KCNH6: variants seen among roughly 807,000 people sequenced by gnomAD.
KCNH6 encodes potassium voltage-gated channel subfamily H member 6.
Under a neutral mutation model 83.4 loss-of-function variants are expected in KCNH6, and 81 were observed. The ratio of observed to expected loss-of-function variants is 0.97; its 90% CI spans 0.81 to 1.17. The LOEUF is 1.17. KCNH6 is among the 50% of genes most tolerant of loss of function. The probability of loss-of-function intolerance (pLI) is 0.00; values close to 1 mark genes in which losing one functional copy is unlikely to be tolerated. For missense variants in KCNH6, 1,203 were observed against 1,290.5 expected (o/e 0.93, Z 1.04); for synonymous variants, 503 against 545.6 (o/e 0.92, Z 1.09).
In KCNH6 at chr17:63,545,612, C is replaced by T. The variant is rs143517235; in HGVS notation, c.2587C>T (p.Pro863Ser). 4.1e-5 allele frequency: 66 copies of T among 1,612,300 alleles called. No individual in the cohort carries two copies. Among genetic ancestry groups the T allele is most frequent in the Admixed American group, 5.0e-5 (3 of 59,942 alleles). Reference protein sequence around the residue: ...PQGFLPPAQTPSYGDLDDCSP... With the variant: ...PQGFLPPAQTSSYGDLDDCSP... ...CCCTCTTTCTTGCTCCTCCCAGACC[C>T]CAAGCTATGGAGACTTGGATGACTG... Residue 863 changes from proline to serine, a missense_variant, in exon 13 of 13, where the codon CCA (proline) becomes TCA (serine). Transcript: ENST00000314672.
chr17:63,530,628 C>T (rs2032042876), intron 4 of KCNH6, 86 bp downstream of exon 4: 2 of 1,223,436 alleles, frequency 1.6e-6, no homozygotes, highest in Non-Finnish European at 1.2e-6. Context: ...CCTTCTGGGG[C>T]CTTGGCCGAT....
intron 4 of KCNH6, among the ~76,000 whole-genome samples, chr17:63,532,317 C>T (rs1352945292): frequency 6.6e-6 from 1 of 152,190 alleles, no homozygotes; most frequent in Non-Finnish European, 1.5e-5. Context: ...CAGGGTGTGA[C>T]GGCAGCTGCT....
rs2032263251 is a variant in KCNH6, at chr17:63,533,579, T to C, written c.676-307T>C. On this transcript the variant is annotated intron_variant, in intron 4 of 12. Coordinates refer to ENST00000314672, the MANE Select transcript of KCNH6 (RefSeq NM_001278919.2). The surrounding 1 kb of genome is among the most constrained non-coding windows in gnomAD (Gnocchi z 4.1). ...TGGGCCTGGCCCTCCCCTGCCTGGCTCCACCCACTCCAGGATGTTTCCAAG... is the reference window on the plus strand; with the variant it reads ...TGGGCCTGGCCCTCCCCTGCCTGGCCCCACCCACTCCAGGATGTTTCCAAG... 6.6e-6 allele frequency among the ~76,000 whole-genome samples: 1 copy of C among 152,052 alleles called. No homozygotes were observed. Among genetic ancestry groups the C allele is most frequent in the Non-Finnish European group, 1.5e-5 (1 of 67,986 alleles).
At position 63,545,911 on chromosome 17, in the gene KCNH6, A is replaced by T. The variant is rs2033126231; in HGVS notation, c.*9A>T. On this transcript the variant is annotated 3_prime_UTR_variant, in exon 13 of 13. Coordinates refer to ENST00000314672, the MANE Select transcript of KCNH6 (RefSeq NM_001278919.2). ...GGAGTTGGGGCCACTGAACTCCAAG[A>T]TAAAGACACCATGAGGGGACTGAAG... 6.2e-7 allele frequency: 1 copy of T among 1,612,780 alleles called. No individual in the cohort carries two copies. Among genetic ancestry groups the T allele is most frequent in the South Asian group, 1.1e-5 (1 of 91,056 alleles).
intron 2 of KCNH6, among the ~76,000 whole-genome samples, chr17:63,525,547 C>A (rs2031652468): frequency 6.6e-6 from 1 of 152,088 alleles, no homozygotes; most frequent in Non-Finnish European, 1.5e-5. Context: ...GTTTCAGGGG[C>A]CTGGAGTGTG....
chr17:63,528,412 G>A (rs773337870), intron 2 of KCNH6, among the ~76,000 whole-genome samples: 3 of 152,142 alleles, frequency 2.0e-5, no homozygotes, highest in Non-Finnish European at 4.4e-5. Flanking sequence ...TCCAATACGA[G>A]AGATTCCTAC....
chr17:63,530,272 G>A lies in KCNH6; in HGVS notation c.469+20G>A. On this transcript the variant is annotated intron_variant, in intron 3 of 12. Transcript: ENST00000314672. ...GCTCCGGTGAGGCAGAGTGAGGGTG[G>A]TGGTGGGAGGGACGCATGAGGGTCC... is the stretch of plus-strand genomic sequence containing the variant. 1 of 1,613,806 alleles carries A rather than the reference G, an allele frequency of 6.2e-7. No individual in the cohort carries two copies.
At chr17:63,526,056 T>C (rs532598410) in intron 2 of KCNH6, among the ~76,000 whole-genome samples, 14 of 152,314 alleles carry the variant, frequency 9.2e-5, no homozygotes, top group African/African-American at 3.4e-4. Flanking sequence ...AGTCAAAGCC[T>C]GGCCTTGGCC....
Position 63,546,026 on chromosome 17 carries a change from C to A in KCNH6, c.*124C>A, listed in dbSNP as rs928673827. 1.2e-6 allele frequency: 1 copy of A among 803,092 alleles called. No homozygotes were observed. The highest frequency in any genetic ancestry group is 1.7e-5 in the African/African-American group (1 of 57,684). 49.7% of individuals were successfully genotyped at this position (803,092 alleles called of 1,614,324 possible). A position where few individuals can be genotyped will look rare whatever the true frequency, so the allele number is the denominator to read the frequency against. ...CAGCACTTTGGGAGGCCGAGGCGGG[C>A]GGATCAGACCATCCTGGCTAACACG... On this transcript the variant is annotated 3_prime_UTR_variant, in exon 13 of 13. Transcript: ENST00000314672.
At position 63,535,416 on chromosome 17, in the gene KCNH6, C is replaced by T. The variant is rs1476894699; in HGVS notation, c.1102-253C>T. 6.6e-6 allele frequency among the ~76,000 whole-genome samples: 1 copy of T among 152,208 alleles called. No individual in the cohort carries two copies. On this transcript the variant is annotated intron_variant, in intron 5 of 12. Coordinates refer to ENST00000314672, the MANE Select transcript of KCNH6 (RefSeq NM_001278919.2). This position sits in a 1 kb window ranked among gnomAD's most constrained non-coding sequence, Gnocchi z 4.9. ...ATGCGTCACCTCATCCATGAAGCCT[C>T]CCCTGACCTCCCCTTCCTCTGTTCT...
At position 63,530,547 on chromosome 17, in the gene KCNH6, G is replaced by A. The variant is rs371798322; in HGVS notation, c.675+5G>A. On this transcript the variant is annotated splice_donor_5th_base_variant and intron_variant, in intron 4 of 12. Coordinates refer to ENST00000314672, the MANE Select transcript of KCNH6 (RefSeq NM_001278919.2). Reference sequence around the variant, plus strand: ...GTCACTGAGAAGGTCACCCAGGTGCGGGCCTGCAGAGCAGGGTGTGCAGAG... The same window carrying A: ...GTCACTGAGAAGGTCACCCAGGTGCAGGCCTGCAGAGCAGGGTGTGCAGAG... The A allele has an allele frequency of 2.7e-5, 43 of 1,613,584 alleles. 1 individual carries two copies. The African/African-American group carries it at 3.9e-4, about 15-fold the overall frequency.
chr17:63,546,091 AT>A lies in KCNH6; in HGVS notation c.*190del. On this transcript the variant is annotated 3_prime_UTR_variant, in exon 13 of 13. Coordinates refer to ENST00000314672, the MANE Select transcript of KCNH6 (RefSeq NM_001278919.2). ...CTACTAAAATTAAAAAAGAAAAAAA[AT>A]AGCCGGGCGTGGTGGCAGGCGCCTG... The A allele has an allele frequency of 9.0e-6, 5 of 553,656 alleles. No individual in the cohort carries two copies. Among genetic ancestry groups the A allele is most frequent in the East Asian group, 3.0e-5 (1 of 32,930 alleles). The allele number at this position is 553,656 out of a possible 1,614,324, so 34.3% of individuals were successfully genotyped here.
At chr17:63,530,936 G>A (rs945045072) in intron 4 of KCNH6, among the ~76,000 whole-genome samples, 1 of 152,168 alleles carries the variant, frequency 6.6e-6, no homozygotes, top group Non-Finnish European at 1.5e-5. Context: ...GAGGAGAGCT[G>A]GTGTGGGGGG....
intron 6 of KCNH6, 56 bp downstream of exon 6, chr17:63,536,124 T>G (rs555729736): frequency 5.4e-6 from 8 of 1,495,324 alleles, no homozygotes; most frequent in Non-Finnish European, 7.4e-6. Flanking sequence ...ACCCGTGAAA[T>G]TTTATGTGTA....
intron 4 of KCNH6, among the ~76,000 whole-genome samples, chr17:63,532,538 G>A (rs1240632479): frequency 6.6e-6 from 1 of 152,192 alleles, no homozygotes; most frequent in Admixed American, 6.5e-5. Context: ...GGAGTCGGAG[G>A]GGGCTTCCTG....
chr17:63,543,163 C>T lies in KCNH6; in HGVS notation c.2149-413C>T, dbSNP rs150701290. ...TTTCTTCCCTGGTGCCCCGCCCCTC[C>T]ACCTTGGGGGAGGGCCCTGCTGGCG... On this transcript the variant is annotated intron_variant, in intron 9 of 12. Transcript: ENST00000314672. Among the ~76,000 whole-genome samples the T allele has an allele frequency of 4.9e-3, 748 of 152,340 alleles. 5 individuals carry two copies. The highest frequency in any genetic ancestry group is 0.017 in the African/African-American group (699 of 41,576).
In KCNH6 at chr17:63,524,190, A is replaced by C; in HGVS notation, c.128A>C (p.Tyr43Ser). The change falls in exon 2 of 13, where the codon TAC becomes TCC. Residue 43 changes from tyrosine (Y) to serine (S), a missense_variant. Tyr to Ser is a moderately radical substitution (Grantham distance 144). Coordinates refer to ENST00000314672, the MANE Select transcript of KCNH6 (RefSeq NM_001278919.2). ...NAQMENCAII[Y>S]CNDGFCELFG... Reference sequence around the variant, plus strand: ...CAGATGGAGAACTGCGCCATCATTTACTGCAACGACGGCTTCTGCGAACTC... The same window carrying C: ...CAGATGGAGAACTGCGCCATCATTTCCTGCAACGACGGCTTCTGCGAACTC... 1 of 1,614,212 alleles carries C rather than the reference A, an allele frequency of 6.2e-7. No individual in the cohort carries two copies. The highest frequency in any genetic ancestry group is 1.1e-5 in the South Asian group (1 of 91,092).
Position 63,534,439 on chromosome 17 carries a change from G to A in KCNH6, c.1101+128G>A, listed in dbSNP as rs956989084. The A allele has an allele frequency of 2.1e-6, 2 of 946,222 alleles. No individual in the cohort carries two copies. Among genetic ancestry groups the A allele is most frequent in the Non-Finnish European group, 1.6e-6 (1 of 645,110 alleles). 58.6% of individuals were successfully genotyped at this position (946,222 alleles called of 1,614,324 possible). A position where few individuals can be genotyped will look rare whatever the true frequency, so the allele number is the denominator to read the frequency against. ...GGGCACCTTTGCTGAAGCACGTGGA[G>A]GTGGAGAGGAGGCCCCAAACATCTG... is the stretch of plus-strand genomic sequence containing the variant. On this transcript the variant is annotated intron_variant, in intron 5 of 12. Coordinates refer to ENST00000314672, the MANE Select transcript of KCNH6 (RefSeq NM_001278919.2). The surrounding 1 kb of genome is among the most constrained non-coding windows in gnomAD (Gnocchi z 5.0).
chr17:63,539,414 G>A (rs114622118), intron 8 of KCNH6, among the ~76,000 whole-genome samples: 1,976 of 152,022 alleles, frequency 0.013, 49 homozygotes, highest in African/African-American at 0.045. Flanking sequence ...CCTGCTCCTC[G>A]CTCCCACGGC....
Sources: allele counts gnomAD v4.1 joint callset (sites outside exome capture counted in the v4.1 genomes callset), GRCh38; gene constraint gnomAD v4.1.1; non-coding constraint Gnocchi (gnomAD v3.1); transcripts MANE v1.5; gene names NCBI Gene and HGNC (gene_info 2026-07-23, HGNC 2026-07-21).